The following TRAF3IP2 variants were observed in gnomAD, a reference collection of about 807,000 sequenced individuals.
TRAF3IP2 encodes the protein TRAF3 interacting protein 2, also known as E3 ubiquitin ligase TRAF3IP2.
A neutral mutation model predicts 57.9 loss-of-function variants in TRAF3IP2; 35 were observed. The observed-to-expected ratio is 0.60, with a 90% confidence interval of 0.46 to 0.80. The LOEUF (loss-of-function observed/expected upper bound fraction) is 0.80, where lower values mean the gene tolerates loss of function less well. Ranked by LOEUF, TRAF3IP2 falls within the 30% of genes least tolerant of loss-of-function variation. TRAF3IP2 has a pLI of 0.00. For missense variants in TRAF3IP2, 556 were observed against 706.4 expected, an observed-to-expected ratio of 0.79 and a Z score of 2.41; for synonymous variants, 251 against 268.9, an observed-to-expected ratio of 0.93 and a Z score of 0.65.
chr6:111,579,575 T>C (rs751040355), intron 3 of TRAF3IP2, among the ~76,000 whole-genome samples: 4 of 152,022 alleles, frequency 2.6e-5, no homozygotes, highest in Non-Finnish European at 4.4e-5. Context: ...CTACAAAATA[T>C]ACAAAAGTTA....
chr6:111,604,795 A>C (rs557835113), intron 1 of TRAF3IP2, among the ~76,000 whole-genome samples: 72 of 152,306 alleles, frequency 4.7e-4, no homozygotes, highest in Non-Finnish European at 5.9e-5. Context: ...CAAGGGGGTA[A>C]CCAACTGGTA....
intron 1 of TRAF3IP2, among the ~76,000 whole-genome samples, chr6:111,595,470 C>T (rs367254): frequency 5.3e-5 from 8 of 152,106 alleles, no homozygotes; most frequent in African/African-American, 1.2e-4. Context: ...TCTGACTATA[C>T]GCCCAACTGA....
At chr6:111,584,286 C>T (rs74344431) in intron 2 of TRAF3IP2, among the ~76,000 whole-genome samples, 1,941 of 152,276 alleles carry the variant, frequency 0.013, 45 homozygotes, top group African/African-American at 0.043. Flanking sequence ...ATTTCAGAAA[C>T]GGCCACCTGT....
At chr6:111,573,445 G>C (rs370425917) in intron 4 of TRAF3IP2, 1 of 154,232 alleles carries the variant, frequency 6.5e-6, no homozygotes, top group Non-Finnish European at 1.4e-5. Context: ...CTGAAATCTC[G>C]CTCTTCTGAC....
intron 3 of TRAF3IP2, among the ~76,000 whole-genome samples, chr6:111,579,316 C>CAA (rs529040872): frequency 1.5e-3 from 105 of 69,762 alleles, no homozygotes; most frequent in Non-Finnish European, 2.1e-3. Context: ...GGCTCCATCT[C>CAA]AAAAAAAAAA....
chr6:111,557,374 T>C lies in TRAF3IP2; in HGVS notation c.*2031A>G, dbSNP rs952219522. ...TTCTGGAGACCAGGTAAACAAGATA[T>C]ATAGATACAGATAGATATCCAAAAT... On this transcript the variant is annotated 3_prime_UTR_variant, in exon 9 of 9. Transcript: ENST00000368761. The C allele has an allele frequency of 3.3e-5, 5 of 151,712 alleles. No individual in the cohort carries two copies. Among genetic ancestry groups the C allele is most frequent in the Admixed American group, 1.3e-4 (2 of 15,222 alleles). The allele number at this position is 151,712 out of a possible 1,614,324, so 9.4% of individuals were successfully genotyped here. A position where few individuals can be genotyped will look rare whatever the true frequency, so the allele number is the denominator to read the frequency against.
intron 2 of TRAF3IP2, among the ~76,000 whole-genome samples, chr6:111,590,285 G>A (rs1796463677): frequency 6.6e-6 from 1 of 152,206 alleles, no homozygotes; most frequent in Admixed American, 6.5e-5. Flanking sequence ...AAAACTTGCA[G>A]TCTAGAAGGA....
At chr6:111,570,362 A>G (rs1795791083) in intron 5 of TRAF3IP2, among the ~76,000 whole-genome samples, 2 of 152,222 alleles carry the variant, frequency 1.3e-5, no homozygotes, top group East Asian at 1.9e-4. Flanking sequence ...AGGGGCAGTA[A>G]CAACTCCCTG....
chr6:111,562,909 A>G, intron 8 of TRAF3IP2, 56 bp downstream of exon 8: 1 of 1,328,776 alleles, frequency 7.5e-7, no homozygotes, highest in Non-Finnish European at 1.1e-6. Context: ...AAAATCCCAG[A>G]TGGCAAAGCA....
intron 1 of TRAF3IP2, among the ~76,000 whole-genome samples, chr6:111,605,308 T>C (rs1277995443): frequency 1.3e-5 from 2 of 152,186 alleles, no homozygotes; most frequent in African/African-American, 4.8e-5. Context: ...CCCAAAAATG[T>C]GCTGTTGATT....
intron 1 of TRAF3IP2, among the ~76,000 whole-genome samples, chr6:111,603,832 C>T (rs913009216): frequency 1.6e-4 from 25 of 152,184 alleles, no homozygotes; most frequent in Non-Finnish European, 2.9e-4. Flanking sequence ...TTTAACCCAC[C>T]CCATGCAAGG....
intron 2 of TRAF3IP2, among the ~76,000 whole-genome samples, chr6:111,589,964 T>G (rs1028566478): frequency 6.6e-6 from 1 of 152,210 alleles, no homozygotes; most frequent in Non-Finnish European, 1.5e-5. Flanking sequence ...CTGAACTACT[T>G]TCTGTCCAGT....
intron 2 of TRAF3IP2, among the ~76,000 whole-genome samples, chr6:111,586,519 T>C (rs2128380261): frequency 6.6e-6 from 1 of 152,174 alleles, no homozygotes; most frequent in Non-Finnish European, 1.5e-5. Flanking sequence ...CTTTCTTATT[T>C]CCACCTACTT....
intron 5 of TRAF3IP2, 181 bp downstream of exon 5, chr6:111,572,714 C>T: frequency 1.6e-6 from 1 of 609,316 alleles, no homozygotes; most frequent in Non-Finnish European, 2.8e-6. Flanking sequence ...ATGCTGGAGA[C>T]TTCAGATAGC....
At chr6:111,587,548 C>A (rs571784442) in intron 2 of TRAF3IP2, among the ~76,000 whole-genome samples, 1 of 152,220 alleles carries the variant, frequency 6.6e-6, no homozygotes. Context: ...AGCCACTGCA[C>A]CCGGCCGTTT....
chr6:111,595,267 A>G (rs1796646333), intron 1 of TRAF3IP2, among the ~76,000 whole-genome samples: 1 of 152,316 alleles, frequency 6.6e-6, no homozygotes, highest in Non-Finnish European at 1.5e-5. Flanking sequence ...CTGAAAAGGA[A>G]CACATGGCTT....
At chr6:111,603,348 C>A (rs1321099099) in intron 1 of TRAF3IP2, among the ~76,000 whole-genome samples, 1 of 152,196 alleles carries the variant, frequency 6.6e-6, no homozygotes, top group African/African-American at 2.4e-5. Flanking sequence ...ATCCTTCAGA[C>A]TGCAGGATTG....
chr6:111,604,293 A>C (rs1336056228), intron 1 of TRAF3IP2, among the ~76,000 whole-genome samples: 1 of 152,184 alleles, frequency 6.6e-6, no homozygotes, highest in Non-Finnish European at 1.5e-5. Context: ...TAATGTCTCT[A>C]ATCACAGTCA....
chr6:111,562,546 A>G (rs189973160), intron 8 of TRAF3IP2, among the ~76,000 whole-genome samples: 1 of 152,140 alleles, frequency 6.6e-6, no homozygotes, highest in African/African-American at 2.4e-5. Flanking sequence ...ATCTCTAAGG[A>G]TTGATAAAGA....
Sources: gnomAD v4.1 joint callset for allele counts (sites outside exome capture counted in the v4.1 genomes callset) on GRCh38, gnomAD v4.1.1 for gene constraint, MANE v1.5 for transcripts, NCBI Gene and HGNC (gene_info 2026-07-23, HGNC 2026-07-21) for gene names.